The following RAP1GAP2 variants were observed in gnomAD, a reference collection of about 807,000 sequenced individuals.
RAP1GAP2 encodes RAP1 GTPase activating protein 2.
RAP1GAP2 carries 27 observed loss-of-function variants against 95.0 expected under a neutral mutation model. The observed-to-expected ratio is 0.28, with a 90% CI of 0.21 to 0.39. The LOEUF (loss-of-function observed/expected upper bound fraction) is 0.39. Among genes scored for constraint, RAP1GAP2 ranks in the 10% least tolerant of loss-of-function variants. The probability of loss-of-function intolerance (pLI) is 1.00; values close to 1 mark genes in which losing one functional copy is unlikely to be tolerated. For missense variants in RAP1GAP2, 771 were observed against 970.0 expected (o/e 0.79, Z 2.72); for synonymous variants, 373 against 380.9 (o/e 0.98, Z 0.24).
intron 17 of RAP1GAP2, among the ~76,000 whole-genome samples, chr17:3,014,484 T>G (rs1208073781): frequency 6.6e-6 from 1 of 151,960 alleles, no homozygotes; most frequent in Non-Finnish European, 1.5e-5. Context: ...TAGTTTGGAA[T>G]GTCATGATTG....
Position 2,796,456 on chromosome 17 carries a change from C to A in RAP1GAP2, c.-72C>A. The A allele has an allele frequency of 6.6e-7, 1 of 1,514,804 alleles. No homozygotes were observed. The allele number at this position is 1,514,804 out of a possible 1,614,324, so 93.8% of individuals were successfully genotyped here. On this transcript the variant is annotated 5_prime_UTR_variant, in exon 1 of 25. Coordinates refer to ENST00000254695, the MANE Select transcript of RAP1GAP2 (RefSeq NM_015085.5). This position sits in a 1 kb window ranked among gnomAD's most constrained non-coding sequence, Gnocchi z 4.7. ...CACCGGCACTGACCCCGCTGTACCACGGCCCTCTTGCGGACAGCCCCGGGG... is the reference window on the plus strand; with the variant it reads ...CACCGGCACTGACCCCGCTGTACCAAGGCCCTCTTGCGGACAGCCCCGGGG...
chr17:3,032,607 G>A (rs2047360099), intron 24 of RAP1GAP2, among the ~76,000 whole-genome samples, 158 bp downstream of exon 24: 1 of 152,170 alleles, frequency 6.6e-6, no homozygotes, highest in Non-Finnish European at 1.5e-5. Context: ...ACCTGCAATG[G>A]GGAAGGAGGG....
chr17:2,947,121 G>C (rs2043726114), intron 3 of RAP1GAP2, among the ~76,000 whole-genome samples: 1 of 152,206 alleles, frequency 6.6e-6, no homozygotes, highest in Non-Finnish European at 1.5e-5. Context: ...TTAACAGAGA[G>C]CCATTGCAGG....
At chr17:3,019,640 A>G (rs1415489781) in intron 18 of RAP1GAP2, among the ~76,000 whole-genome samples, 1 of 152,236 alleles carries the variant, frequency 6.6e-6, no homozygotes, top group African/African-American at 2.4e-5. Context: ...ATGGCCTCGC[A>G]TAATTAATTT....
At chr17:2,996,151 C>G (rs4790111) in intron 13 of RAP1GAP2, among the ~76,000 whole-genome samples, 22,829 of 152,108 alleles carry the variant, frequency 0.15, 2,210 homozygotes, top group South Asian at 0.26. Context: ...CCACCCCCAG[C>G]CTTCCTCATC....
At chr17:3,018,024 G>A (rs754676513) in intron 17 of RAP1GAP2, 37 bp from the exon 18 acceptor site, 14 of 1,551,608 alleles carry the variant, frequency 9.0e-6, no homozygotes, top group South Asian at 8.3e-5. Flanking sequence ...CGGAGAGCCC[G>A]GGTGCTGATT....
chr17:2,927,029 AT>A (rs1308751852), intron 3 of RAP1GAP2, among the ~76,000 whole-genome samples: 2 of 141,522 alleles, frequency 1.4e-5, no homozygotes, highest in African/African-American at 5.3e-5. Flanking sequence ...AAAAAAAAAG[AT>A]ATTGCCAGGG....
At chr17:2,911,277 A>G (rs1018439533) in intron 3 of RAP1GAP2, among the ~76,000 whole-genome samples, 1 of 96,232 alleles carries the variant, frequency 1.0e-5, no homozygotes, top group Non-Finnish European at 1.9e-5. Context: ...TTTTTTGCTA[A>G]TATGAAGCTG....
At chr17:2,862,772 C>T (rs946295977) in intron 2 of RAP1GAP2, among the ~76,000 whole-genome samples, 1 of 152,018 alleles carries the variant, frequency 6.6e-6, no homozygotes, top group African/African-American at 2.4e-5. Context: ...CCAAGGCGGG[C>T]GGATCACTCA....
rs541446092 is a variant in RAP1GAP2 at position 3,035,113 on chromosome 17, C to T, written c.*1752C>T. ...TGTTTGCAAGCTGGAGAGGAGCTCTCCCTTTGCTAGTACTTTCTCTAAAGT... is the reference window on the plus strand; with the variant it reads ...TGTTTGCAAGCTGGAGAGGAGCTCTTCCTTTGCTAGTACTTTCTCTAAAGT... On this transcript the variant is annotated 3_prime_UTR_variant, in exon 25 of 25. Coordinates refer to ENST00000254695, the MANE Select transcript of RAP1GAP2 (RefSeq NM_015085.5). The surrounding 1 kb of genome is among the most constrained non-coding windows in gnomAD (Gnocchi z 4.3). The T allele has an allele frequency of 5.9e-5, 9 of 152,552 alleles. No individual in the cohort carries two copies. The South Asian group carries it at 6.2e-4, about 11-fold the overall frequency. The allele number at this position is 152,552 out of a possible 1,614,324, so 9.4% of individuals were successfully genotyped here. A position where few individuals can be genotyped will look rare whatever the true frequency, so the allele number is the denominator to read the frequency against.
intron 2 of RAP1GAP2, among the ~76,000 whole-genome samples, chr17:2,818,814 G>T (rs572413550): frequency 2.0e-5 from 3 of 152,282 alleles, no homozygotes; most frequent in East Asian, 3.9e-4. Context: ...CCTCAGGCAG[G>T]TTCCTTCATC....
Position 2,995,344 on chromosome 17 carries a change from G to A in RAP1GAP2, c.922G>A (p.Gly308Arg), listed in dbSNP as rs755620999. ...GCCCTGTTTTGTTGACAGTTTCCGA[G>A]GAGGCCTGGACGTGACCCACGGACA... is the stretch of plus-strand genomic sequence containing the variant. ...ITLQDFKGFRGGLDVTHGQTG... is the reference protein window; with the variant it reads ...ITLQDFKGFRRGLDVTHGQTG... The change falls in exon 13 of 25, where the codon GGA becomes AGA. Residue 308 changes from glycine (G) to arginine (R), a missense_variant. By Grantham distance (125) the Gly-to-Arg change is moderately radical (BLOSUM62 -2). Transcript: ENST00000254695. 6.2e-7 allele frequency: 1 copy of A among 1,613,658 alleles called. No individual in the cohort carries two copies. Among genetic ancestry groups the A allele is most frequent in the Non-Finnish European group, 8.5e-7 (1 of 1,179,646 alleles).
At chr17:2,954,569 CTTAT>C (rs142139752) in intron 3 of RAP1GAP2, among the ~76,000 whole-genome samples, 16,023 of 150,692 alleles carry the variant, frequency 0.11, 870 homozygotes, top group South Asian at 0.17. Context: ...CATATCAGTA[CTTAT>C]TTATTTATTT....
chr17:2,761,467 T>G (rs2071247884), intron 1 of RAP1GAP2, among the ~76,000 whole-genome samples: 1 of 151,750 alleles, frequency 6.6e-6, no homozygotes, highest in South Asian at 2.1e-4. Context: ...TTTGTATTTT[T>G]AGTAGAGACG....
chr17:2,984,147 G>A (rs567395291), intron 10 of RAP1GAP2, among the ~76,000 whole-genome samples: 1 of 152,176 alleles, frequency 6.6e-6, no homozygotes, highest in Non-Finnish European at 1.5e-5. Flanking sequence ...TCAGGAGTTC[G>A]AGACCAGCCT....
In RAP1GAP2 at chr17:2,906,907, C is replaced by T. The variant is rs141799055; in HGVS notation, c.165+1539C>T. 6.6e-6 allele frequency among the ~76,000 whole-genome samples: 1 copy of T among 152,182 alleles called. No individual in the cohort carries two copies. Among genetic ancestry groups the T allele is most frequent in the African/African-American group, 2.4e-5 (1 of 41,546 alleles). On this transcript the variant is annotated intron_variant, in intron 3 of 24. Transcript: ENST00000254695. The surrounding 1 kb of genome is among the most constrained non-coding windows in gnomAD (Gnocchi z 4.3). ...GAAACATAACTCACTCTGGCTTAGT[C>T]ATAAAAGGGTATTTTTTGCCTTTGT...
chr17:2,857,577 G>T lies in RAP1GAP2; in HGVS notation c.81-47707G>T, dbSNP rs1353182144. 6.6e-6 allele frequency among the ~76,000 whole-genome samples: 1 copy of T among 152,214 alleles called. No individual in the cohort carries two copies. Among genetic ancestry groups the T allele is most frequent in the African/African-American group, 2.4e-5 (1 of 41,448 alleles). ...TTCTGCCCATCTTTCAGGGTTTCTGGCACATGGGATCCTGTAAAAGCAGTG... is the reference window on the plus strand; with the variant it reads ...TTCTGCCCATCTTTCAGGGTTTCTGTCACATGGGATCCTGTAAAAGCAGTG... On this transcript the variant is annotated intron_variant, in intron 2 of 24. Transcript: ENST00000254695. The surrounding 1 kb of genome is among the most constrained non-coding windows in gnomAD (Gnocchi z 4.0).
chr17:2,968,757 A>T (rs73296662), intron 8 of RAP1GAP2, among the ~76,000 whole-genome samples: 25 of 152,244 alleles, frequency 1.6e-4, no homozygotes, highest in Admixed American at 1.4e-3. Context: ...GATTTGGGTC[A>T]TCTCTCCAAA....
intron 17 of RAP1GAP2, among the ~76,000 whole-genome samples, chr17:3,011,208 G>A (rs1313176897): frequency 2.6e-5 from 4 of 152,194 alleles, no homozygotes; most frequent in Non-Finnish European, 5.9e-5. Context: ...GATTACAGGT[G>A]TGAGCCACCG....
Sources: gnomAD v4.1 joint callset for allele counts (sites outside exome capture counted in the v4.1 genomes callset) on GRCh38, gnomAD v4.1.1 for gene constraint, Gnocchi (gnomAD v3.1) non-coding constraint, MANE v1.5 for transcripts, NCBI Gene and HGNC (gene_info 2026-07-23, HGNC 2026-07-21) for gene names.